The following COX10 variants were observed in gnomAD, a reference collection of about 807,000 sequenced individuals.
COX10 encodes the protein cytochrome c oxidase assembly factor heme A:farnesyltransferase COX10, also known as protoheme IX farnesyltransferase, mitochondrial.
COX10 carries 27 observed loss-of-function variants against 37.3 expected under a neutral mutation model. The ratio of observed to expected loss-of-function variants is 0.72; its 90% confidence interval spans 0.53 to 1.00. The LOEUF is 1.00. COX10 is among the 50% of genes least tolerant of loss of function. COX10 has a pLI of 0.00. For missense variants in COX10, 475 were observed against 563.2 expected, an observed-to-expected ratio of 0.84 and a Z score of 1.59; for synonymous variants, 222 against 229.1, an observed-to-expected ratio of 0.97 and a Z score of 0.28.
chr17:14,172,409 C>T (rs1905501350), intron 5 of COX10, among the ~76,000 whole-genome samples: 1 of 152,020 alleles, frequency 6.6e-6, no homozygotes, highest in Non-Finnish European at 1.5e-5. Context: ...TTCTCTGCAT[C>T]CTCATCAACA....
In COX10 at chr17:14,194,085, A is replaced by G. The variant is rs1156389153; in HGVS notation, c.928+1864A>G. Among the ~76,000 whole-genome samples the G allele has an allele frequency of 2.0e-5, 3 of 152,280 alleles. No individual in the cohort carries two copies. The East Asian group carries it at 5.8e-4, about 30-fold the overall frequency. The stretch of plus-strand genomic sequence containing the variant: ...ACCTTCTCTTTCTGGGAAGACCCAG[A>G]CAGGGCCAGAGTCAGGGCCAAGTAT... On this transcript the variant is annotated intron_variant, in intron 6 of 6. Coordinates refer to ENST00000261643, the MANE Select transcript of COX10 (RefSeq NM_001303.4).
chr17:14,088,774 A>G (rs889987887), intron 3 of COX10, among the ~76,000 whole-genome samples: 6 of 152,192 alleles, frequency 3.9e-5, no homozygotes, highest in Admixed American at 1.3e-4. Flanking sequence ...ATGGTGCTTA[A>G]GGATGTTGCC....
chr17:14,108,851 T>C (rs1260917519), intron 4 of COX10, among the ~76,000 whole-genome samples: 1 of 152,168 alleles, frequency 6.6e-6, no homozygotes, highest in Non-Finnish European at 1.5e-5. Flanking sequence ...TCTCTGATGT[T>C]TCTTGTGTTT....
At chr17:14,140,330 A>G (rs1322241659) in intron 4 of COX10, among the ~76,000 whole-genome samples, 1 of 152,134 alleles carries the variant, frequency 6.6e-6, no homozygotes, top group Non-Finnish European at 1.5e-5. Context: ...ATTCTTCCAG[A>G]TTATTTCAGA....
At chr17:14,164,663 T>G (rs555286542) in intron 5 of COX10, among the ~76,000 whole-genome samples, 3 of 152,332 alleles carry the variant, frequency 2.0e-5, no homozygotes, top group South Asian at 2.1e-4. Flanking sequence ...AACATCCCTT[T>G]GTGCAAGCCA....
intron 3 of COX10, among the ~76,000 whole-genome samples, chr17:14,084,359 AAAGAG>A (rs1317699629): frequency 6.6e-6 from 1 of 152,160 alleles, no homozygotes; most frequent in Non-Finnish European, 1.5e-5. Flanking sequence ...AGATAAGCAA[AAAGAG>A]AAGATTGAAA....
chr17:14,075,834 A>G (rs1176862059), intron 2 of COX10, among the ~76,000 whole-genome samples: 2 of 147,224 alleles, frequency 1.4e-5, no homozygotes, highest in African/African-American at 5.3e-5. Context: ...ACTAAAAAGT[A>G]AAAAAAAATT....
At chr17:14,107,315 G>A (rs1004785195) in intron 4 of COX10, among the ~76,000 whole-genome samples, 5 of 151,638 alleles carry the variant, frequency 3.3e-5, no homozygotes, top group Middle Eastern at 3.4e-3. Flanking sequence ...TTAATTACTC[G>A]TGGATAGCTA....
chr17:14,144,030 G>T (rs952403276), intron 4 of COX10, among the ~76,000 whole-genome samples: 2 of 152,100 alleles, frequency 1.3e-5, no homozygotes, highest in African/African-American at 4.8e-5. Flanking sequence ...ACTCCTGAGG[G>T]ATTAATGTGT....
chr17:14,076,608 A>G, intron 2 of COX10, 127 bp from the exon 3 acceptor site: 2 of 850,452 alleles, frequency 2.4e-6, no homozygotes, highest in Non-Finnish European at 3.8e-6. Context: ...CCGAATTAAC[A>G]GATATTAAAG....
At chr17:14,119,237 GTATATCTCC>G (rs1442551343) in intron 4 of COX10, among the ~76,000 whole-genome samples, 1 of 152,100 alleles carries the variant, frequency 6.6e-6, no homozygotes, top group Non-Finnish European at 1.5e-5. Flanking sequence ...ATTGACAGGC[GTATATCTCC>G]TACCTAATGT....
intron 4 of COX10, among the ~76,000 whole-genome samples, chr17:14,121,253 A>C (rs1248848228): frequency 6.6e-6 from 1 of 152,226 alleles, no homozygotes; most frequent in Non-Finnish European, 1.5e-5. Context: ...AATGATTTTA[A>C]AAATTGTATA....
intron 4 of COX10, among the ~76,000 whole-genome samples, chr17:14,128,384 T>C (rs1027833748): frequency 6.6e-6 from 1 of 152,160 alleles, no homozygotes; most frequent in South Asian, 2.1e-4. Flanking sequence ...CCTGAAGCCA[T>C]CAATAAAAAA....
chr17:14,075,694 T>TA (rs1915127968), intron 2 of COX10, among the ~76,000 whole-genome samples: 1 of 152,124 alleles, frequency 6.6e-6, no homozygotes, highest in African/African-American at 2.4e-5. Flanking sequence ...TGCCCTGCTA[T>TA]AAAATCATTC....
chr17:14,198,853 G>T (rs564970930), intron 6 of COX10, among the ~76,000 whole-genome samples: 1 of 151,990 alleles, frequency 6.6e-6, no homozygotes, highest in African/African-American at 2.4e-5. Flanking sequence ...ACGCTGCCTC[G>T]GTTTGAAACC....
intron 4 of COX10, among the ~76,000 whole-genome samples, chr17:14,116,653 G>GCA (rs1916118894): frequency 2.9e-5 from 2 of 68,116 alleles, no homozygotes; most frequent in East Asian, 1.2e-3. Context: ...GTGCATGCAT[G>GCA]TACACACACA....
At chr17:14,148,378 T>C (rs1278113669) in intron 4 of COX10, among the ~76,000 whole-genome samples, 1 of 152,196 alleles carries the variant, frequency 6.6e-6, no homozygotes, top group Non-Finnish European at 1.5e-5. Flanking sequence ...CTGAAAGTAA[T>C]GGCACATGGA....
In COX10 at chr17:14,167,816, C is replaced by T. The variant is rs375800174; in HGVS notation, c.695+7869C>T. On this transcript the variant is annotated intron_variant, in intron 5 of 6. Transcript: ENST00000261643. The stretch of plus-strand genomic sequence containing the variant: ...CAACCGCCTCCCAGCAGGTCCCTCC[C>T]TCGACATATGAGAATTACAATTTGA... 2.4e-4 allele frequency among the ~76,000 whole-genome samples: 37 copies of T among 152,332 alleles called. 1 individual carries two copies. The South Asian group carries it at 3.7e-3, about 15-fold the overall frequency.
Position 14,069,638 on chromosome 17 carries a change from C to T in COX10, c.33C>T (p.Arg11=), listed in dbSNP as rs8076787. 106,960 of 1,613,798 alleles carry T rather than the reference C, an allele frequency of 0.066. 3,999 individuals carry two copies. The highest frequency in any genetic ancestry group is 0.072 in the Non-Finnish European group (85,078 of 1,179,780). Residue 11 remains arginine, a synonymous_variant, in exon 1 of 7, where the codon CGC becomes CGT. Coordinates refer to ENST00000261643, the MANE Select transcript of COX10 (RefSeq NM_001303.4). ...CATCTCCGCACACTCTCTCCTCACG[C>T]CTCCTGACAGGTACTGTACCCGCCT... is the stretch of plus-strand genomic sequence containing the variant. MAASPHTLSS[R]LLTGCVGGSV...
Sources: allele counts gnomAD v4.1 joint callset (sites outside exome capture counted in the v4.1 genomes callset), GRCh38; gene constraint gnomAD v4.1.1; transcripts MANE v1.5; gene names NCBI Gene and HGNC (gene_info 2026-07-23, HGNC 2026-07-21).